Variants in OXR1 observed in about 807,000 individuals in gnomAD.
OXR1 encodes the protein oxidation resistance 1, also known as oxidation resistance protein 1.
In OXR1, 41 loss-of-function variants were observed where a neutral mutation model predicts 104.6. The observed-to-expected ratio is 0.39, with a 90% CI of 0.31 to 0.51. The LOEUF (loss-of-function observed/expected upper bound fraction) is 0.51. OXR1 is among the 20% of genes least tolerant of loss of function. The pLI is 0.77. For missense variants in OXR1, 955 were observed against 1,031.9 expected (o/e 0.93, Z 1.02); for synonymous variants, 348 against 348.4 (o/e 1.00, Z 0.01).
At chr8:106,733,448 A>G (rs945294920) in intron 11 of OXR1, among the ~76,000 whole-genome samples, 6 of 151,988 alleles carry the variant, frequency 3.9e-5, no homozygotes, top group Admixed American at 6.6e-5. Context: ...CTGTTTTTCT[A>G]TTGATTTTGT....
At chr8:106,644,652 A>G (rs1367111827) in intron 3 of OXR1, among the ~76,000 whole-genome samples, 3 of 152,028 alleles carry the variant, frequency 2.0e-5, no homozygotes, top group Non-Finnish European at 4.4e-5. Flanking sequence ...GGAGCGTAAA[A>G]CACTGGCAGT....
chr8:106,579,045 G>T (rs1240971927), intron 3 of OXR1, among the ~76,000 whole-genome samples: 1 of 126,744 alleles, frequency 7.9e-6, no homozygotes, highest in Non-Finnish European at 1.6e-5. Context: ...CTTTATTGCT[G>T]ACTGGGAATG....
At chr8:106,356,297 A>G (rs968922040) in intron 1 of OXR1, among the ~76,000 whole-genome samples, 1 of 152,202 alleles carries the variant, frequency 6.6e-6, no homozygotes, top group South Asian at 2.1e-4. Context: ...GGGGCAGAGA[A>G]TGGATTTACA....
intron 3 of OXR1, among the ~76,000 whole-genome samples, chr8:106,677,736 A>G (rs1323070576): frequency 6.6e-6 from 1 of 152,028 alleles, no homozygotes; most frequent in Non-Finnish European, 1.5e-5. Flanking sequence ...ATACAAAAGT[A>G]GAATATGTGT....
At chr8:106,467,855 C>G (rs943241960) in intron 2 of OXR1, among the ~76,000 whole-genome samples, 1 of 151,858 alleles carries the variant, frequency 6.6e-6, no homozygotes, top group African/African-American at 2.4e-5. Flanking sequence ...ACCATAATTT[C>G]AAGTATCCAA....
chr8:106,721,616 A>C (rs193298076), intron 11 of OXR1, among the ~76,000 whole-genome samples: 6 of 152,196 alleles, frequency 3.9e-5, no homozygotes, highest in East Asian at 1.9e-4. Context: ...TTTTAGGTAC[A>C]TGACATTAGT....
At chr8:106,445,423 C>G (rs1254600844) in intron 2 of OXR1, among the ~76,000 whole-genome samples, 1 of 152,144 alleles carries the variant, frequency 6.6e-6, no homozygotes, top group African/African-American at 2.4e-5. Context: ...CTGAAGTATA[C>G]TGTCTGGTGC....
At chr8:106,554,094 T>C (rs1489652139) in intron 3 of OXR1, among the ~76,000 whole-genome samples, 1 of 152,148 alleles carries the variant, frequency 6.6e-6, no homozygotes, top group Non-Finnish European at 1.5e-5. Context: ...CACCATAACA[T>C]CCTCTATGCC....
intron 2 of OXR1, among the ~76,000 whole-genome samples, chr8:106,361,924 A>G (rs974230071): frequency 1.3e-5 from 2 of 152,226 alleles, no homozygotes; most frequent in Non-Finnish European, 2.9e-5. Context: ...GTGGAAAACT[A>G]CATGGGAATC....
chr8:106,485,844 A>G (rs1810614473), intron 2 of OXR1, among the ~76,000 whole-genome samples: 1 of 152,042 alleles, frequency 6.6e-6, no homozygotes, highest in Admixed American at 6.6e-5. Context: ...TGTTAAGTGA[A>G]ATAAGCCAGG....
intron 2 of OXR1, among the ~76,000 whole-genome samples, chr8:106,418,857 T>G (rs1215228967): frequency 6.6e-6 from 1 of 152,186 alleles, no homozygotes; most frequent in African/African-American, 2.4e-5. Flanking sequence ...TTGACAGTGG[T>G]TATCTCTGAG....
intron 3 of OXR1, among the ~76,000 whole-genome samples, chr8:106,633,452 G>GT (rs1822877518): frequency 6.6e-6 from 1 of 151,830 alleles, no homozygotes; most frequent in African/African-American, 2.4e-5. Context: ...TTTTACCATC[G>GT]TATCTTACTC....
intron 16 of OXR1, among the ~76,000 whole-genome samples, chr8:106,748,258 T>G (rs1206440379): frequency 1.3e-5 from 2 of 152,220 alleles, no homozygotes; most frequent in African/African-American, 4.8e-5. Flanking sequence ...AATTTGAACC[T>G]TAACAAATGA....
intron 2 of OXR1, among the ~76,000 whole-genome samples, chr8:106,474,054 C>CAG (rs1170246714): frequency 1.4e-5 from 2 of 140,840 alleles, no homozygotes; most frequent in African/African-American, 5.4e-5. Context: ...CACACACACA[C>CAG]AGTATTTCAT....
chr8:106,516,382 A>G (rs1812860821), intron 2 of OXR1, among the ~76,000 whole-genome samples: 1 of 152,118 alleles, frequency 6.6e-6, no homozygotes, highest in South Asian at 2.1e-4. Context: ...GTCTCCCTCC[A>G]TAAGAATAAG....
intron 3 of OXR1, among the ~76,000 whole-genome samples, chr8:106,552,074 A>G (rs1011677461): frequency 6.6e-6 from 1 of 151,808 alleles, no homozygotes; most frequent in Admixed American, 6.6e-5. Context: ...AAATAAAAGT[A>G]AAAATAAAAG....
intron 1 of OXR1, among the ~76,000 whole-genome samples, chr8:106,304,860 G>A (rs1007807579): frequency 6.6e-5 from 10 of 152,098 alleles, no homozygotes; most frequent in East Asian, 1.9e-4. Flanking sequence ...GTTAATTGGC[G>A]TTAATTATCA....
chr8:106,281,497 T>C (rs1812280186), intron 1 of OXR1, among the ~76,000 whole-genome samples: 1 of 152,096 alleles, frequency 6.6e-6, no homozygotes, highest in Admixed American at 6.5e-5. Flanking sequence ...TGTAAATGTT[T>C]GGAAGTAGAT....
At chr8:106,677,282 TTAAAA>T (rs1412090210) in intron 3 of OXR1, among the ~76,000 whole-genome samples, 3 of 152,118 alleles carry the variant, frequency 2.0e-5, no homozygotes, top group South Asian at 2.1e-4. Flanking sequence ...TTTCAGTTGT[TTAAAA>T]TAAAAATAAA....
Sources: allele counts gnomAD v4.1 joint callset (sites outside exome capture counted in the v4.1 genomes callset), GRCh38; gene constraint gnomAD v4.1.1; transcripts MANE v1.5; gene names NCBI Gene and HGNC (gene_info 2026-07-23, HGNC 2026-07-21).